The following ARHGAP20 variants were observed in gnomAD, a reference collection of about 807,000 sequenced individuals.
ARHGAP20 encodes the protein Rho GTPase activating protein 20.
A neutral mutation model predicts 73.7 loss-of-function variants in ARHGAP20; 34 were observed. The ratio of observed to expected loss-of-function variants is 0.46; its 90% CI spans 0.35 to 0.61. The LOEUF is 0.61. Among genes scored for constraint, ARHGAP20 ranks in the 20% least tolerant of loss-of-function variants. The pLI, the probability that ARHGAP20 is intolerant of heterozygous loss-of-function variation, is 0.00. For missense variants in ARHGAP20, 1,314 were observed against 1,420.9 expected (o/e 0.92, Z 1.21); for synonymous variants, 523 against 518.2 (o/e 1.01, Z -0.13).
intron 1 of ARHGAP20, among the ~76,000 whole-genome samples, chr11:110,697,474 T>C (rs2135132258): frequency 6.6e-6 from 1 of 152,004 alleles, no homozygotes; most frequent in African/African-American, 2.4e-5. Context: ...TTCTGGATAC[T>C]AGTCCTTTGT....
At chr11:110,692,390 T>C (rs1950260085) in intron 1 of ARHGAP20, among the ~76,000 whole-genome samples, 1 of 152,158 alleles carries the variant, frequency 6.6e-6, no homozygotes, top group Non-Finnish European at 1.5e-5. Context: ...CTGGAATTAA[T>C]TCCTACTCTC....
chr11:110,672,531 G>C (rs756234116), intron 2 of ARHGAP20, among the ~76,000 whole-genome samples: 3 of 151,478 alleles, frequency 2.0e-5, no homozygotes, highest in South Asian at 2.1e-4. Context: ...TGCAACCTCC[G>C]CCCCTCATGT....
chr11:110,669,991 T>C, intron 2 of ARHGAP20, among the ~76,000 whole-genome samples: 1 of 152,150 alleles, frequency 6.6e-6, no homozygotes, highest in East Asian at 1.9e-4. Context: ...AAAAGTAGCA[T>C]GGTATTTATA....
intron 3 of ARHGAP20, among the ~76,000 whole-genome samples, chr11:110,628,502 C>A (rs955177693): frequency 2.0e-5 from 3 of 152,074 alleles, no homozygotes; most frequent in Admixed American, 6.5e-5. Context: ...AAAATTTTTG[C>A]AAAGTGGCAG....
intron 2 of ARHGAP20, among the ~76,000 whole-genome samples, chr11:110,686,869 A>G (rs1363737260): frequency 6.6e-6 from 1 of 151,876 alleles, no homozygotes; most frequent in African/African-American, 2.4e-5. Flanking sequence ...TATTGCTTAC[A>G]AATATTTTGC....
At chr11:110,619,495 A>G (rs34512509) in intron 4 of ARHGAP20, among the ~76,000 whole-genome samples, 19 of 150,944 alleles carry the variant, frequency 1.3e-4, no homozygotes, top group South Asian at 4.2e-4. Context: ...GCAGTGATAG[A>G]GTATATGTAG....
chr11:110,712,081 G>C, intron 1 of ARHGAP20, 46 bp downstream of exon 1: 1 of 1,259,358 alleles, frequency 7.9e-7, no homozygotes, highest in Non-Finnish European at 1.0e-6. Flanking sequence ...GCCGGCAGTG[G>C]GGGCTGCGGC....
intron 2 of ARHGAP20, among the ~76,000 whole-genome samples, chr11:110,679,278 G>A (rs527406196): frequency 1.3e-5 from 2 of 152,230 alleles, no homozygotes; most frequent in African/African-American, 4.8e-5. Context: ...ACCTAATCTC[G>A]GAAGTGGCAC....
At chr11:110,664,903 C>T (rs1949692408) in intron 2 of ARHGAP20, among the ~76,000 whole-genome samples, 1 of 151,996 alleles carries the variant, frequency 6.6e-6, no homozygotes, top group African/African-American at 2.4e-5. Flanking sequence ...ATATCTTGTT[C>T]CTATGTTGAG....
chr11:110,693,711 A>G (rs2135124054), intron 1 of ARHGAP20, among the ~76,000 whole-genome samples: 1 of 152,048 alleles, frequency 6.6e-6, no homozygotes, highest in East Asian at 1.9e-4. Flanking sequence ...ATGAAAACTT[A>G]GATTTTCTTG....
At chr11:110,696,562 C>A (rs1157404059) in intron 1 of ARHGAP20, among the ~76,000 whole-genome samples, 1 of 151,570 alleles carries the variant, frequency 6.6e-6, no homozygotes, top group African/African-American at 2.4e-5. Flanking sequence ...TTTTAATTAA[C>A]ATTTTTAAAA....
chr11:110,660,036 C>G (rs1949565802), intron 2 of ARHGAP20, among the ~76,000 whole-genome samples: 2 of 137,440 alleles, frequency 1.5e-5, no homozygotes, highest in Admixed American at 7.4e-5. Context: ...CACATGTACC[C>G]TAAAACTTAA....
chr11:110,696,446 T>C (rs1247173272), intron 1 of ARHGAP20, among the ~76,000 whole-genome samples: 1 of 150,958 alleles, frequency 6.6e-6, no homozygotes, highest in Non-Finnish European at 1.5e-5. Context: ...CTGAAATATG[T>C]GAAAAAGGAA....
In ARHGAP20 at chr11:110,579,092, T is replaced by C; in HGVS notation, c.*278A>G. ...AGTGCTTCCTCTGCAGAAGATGCTTTCTCTAGCCCTCTGTTAGTATCTCTA... is the reference window on the plus strand; with the variant it reads ...AGTGCTTCCTCTGCAGAAGATGCTTCCTCTAGCCCTCTGTTAGTATCTCTA... On this transcript the variant is annotated 3_prime_UTR_variant, in exon 15 of 15. Coordinates refer to ENST00000683387, the MANE Select transcript of ARHGAP20 (RefSeq NM_001384657.1). 1 of 1,054,000 alleles carries C rather than the reference T, an allele frequency of 9.5e-7. No individual in the cohort carries two copies. Among genetic ancestry groups the C allele is most frequent in the Non-Finnish European group, 1.1e-6 (1 of 871,540 alleles). The allele number at this position is 1,054,000 out of a possible 1,614,324, so 65.3% of individuals were successfully genotyped here.
In ARHGAP20 at chr11:110,578,452, T is replaced by C; in HGVS notation, c.*918A>G. On this transcript the variant is annotated 3_prime_UTR_variant, in exon 15 of 15. Coordinates refer to ENST00000683387, the MANE Select transcript of ARHGAP20 (RefSeq NM_001384657.1). ...GAAACATTTCAGCAAAGTGATGCCA[T>C]GGTTTGATCACATTTTAACAGCATT... The C allele has an allele frequency of 4.1e-6, 4 of 985,452 alleles. No individual in the cohort carries two copies. The highest frequency in any genetic ancestry group is 1.7e-5 in the African/African-American group (1 of 57,368). The allele number at this position is 985,452 out of a possible 1,614,324, so 61.0% of individuals were successfully genotyped here.
intron 3 of ARHGAP20, among the ~76,000 whole-genome samples, chr11:110,627,574 G>A (rs1358026006): frequency 6.6e-6 from 1 of 152,032 alleles, no homozygotes; most frequent in African/African-American, 2.4e-5. Flanking sequence ...AACATGTTTT[G>A]GGGTAGAGTT....
intron 9 of ARHGAP20, among the ~76,000 whole-genome samples, chr11:110,605,096 A>C (rs529588395): frequency 6.6e-6 from 1 of 152,336 alleles, no homozygotes; most frequent in Admixed American, 6.5e-5. Context: ...TGTAGAAAAG[A>C]AGGTCAAAGA....
chr11:110,638,281 G>A (rs151201078), intron 2 of ARHGAP20, among the ~76,000 whole-genome samples: 104 of 151,458 alleles, frequency 6.9e-4, no homozygotes, highest in African/African-American at 2.0e-3. Flanking sequence ...TTTATGCTTC[G>A]GTCCCATCAC....
At chr11:110,659,857 GAT>G (rs1237404689) in intron 2 of ARHGAP20, among the ~76,000 whole-genome samples, 2 of 150,348 alleles carry the variant, frequency 1.3e-5, no homozygotes, top group Non-Finnish European at 3.0e-5. Context: ...TGAACAATGA[GAT>G]CACATGGACA....
Sources: gnomAD v4.1 joint callset for allele counts (sites outside exome capture counted in the v4.1 genomes callset) on GRCh38, gnomAD v4.1.1 for gene constraint, MANE v1.5 for transcripts, NCBI Gene and HGNC (gene_info 2026-07-23, HGNC 2026-07-21) for gene names.